The following SYT16 variants were observed in gnomAD, a reference collection of about 807,000 sequenced individuals.
SYT16 encodes the protein synaptotagmin-16.
Under a neutral mutation model 61.4 loss-of-function variants are expected in SYT16, and 42 were observed. The observed-to-expected ratio is 0.68, with a 90% CI of 0.53 to 0.89. The LOEUF is 0.89. Among genes scored for constraint, SYT16 ranks in the 40% least tolerant of loss-of-function variants. The pLI is 0.00. For missense variants in SYT16, 804 were observed against 807.3 expected (o/e 1.00, Z 0.05); for synonymous variants, 314 against 302.3 (o/e 1.04, Z -0.40).
intron 1 of SYT16, among the ~76,000 whole-genome samples, chr14:61,916,447 T>TA (rs1320892296): frequency 6.6e-6 from 1 of 152,126 alleles, no homozygotes; most frequent in Non-Finnish European, 1.5e-5. Flanking sequence ...CCCTGCGATT[T>TA]ATTTTTTTTA....
intron 1 of SYT16, among the ~76,000 whole-genome samples, chr14:61,827,001 C>T (rs1179407486): frequency 6.6e-6 from 1 of 151,866 alleles, no homozygotes; most frequent in Non-Finnish European, 1.5e-5. Context: ...AATTAGAGTC[C>T]CACCCTTATG....
intron 6 of SYT16, 90 bp downstream of exon 6, chr14:62,081,364 T>G: frequency 3.7e-6 from 5 of 1,350,996 alleles, no homozygotes; most frequent in Non-Finnish European, 5.0e-6. Flanking sequence ...AGTCTGTGAA[T>G]TCAGAGACTT....
chr14:61,902,883 A>G (rs1466678529), intron 1 of SYT16, among the ~76,000 whole-genome samples: 6 of 152,198 alleles, frequency 3.9e-5, no homozygotes, highest in Non-Finnish European at 1.5e-5. Flanking sequence ...TACCACGAGA[A>G]CAGTATGGGG....
rs2045837685 is a variant in SYT16, at chr14:61,828,364, G to T, written c.-325+15554G>T. ...TACCAAGATATTTATCATCTTTGTT[G>T]CTCTTCTTTCACTCCTGATGATCCA... On this transcript the variant is annotated intron_variant, in intron 1 of 7. Transcript: ENST00000683842. 3.9e-5 allele frequency among the ~76,000 whole-genome samples: 6 copies of T among 152,284 alleles called. No individual in the cohort carries two copies. The South Asian group carries it at 8.3e-4, about 21-fold the overall frequency.
chr14:62,059,330 T>G (rs991544752), intron 3 of SYT16, among the ~76,000 whole-genome samples: 1 of 152,228 alleles, frequency 6.6e-6, no homozygotes, highest in African/African-American at 2.4e-5. Flanking sequence ...ATCTTTCATT[T>G]GTTTATAGGC....
Position 62,081,246 on chromosome 14 carries a change from T to G in SYT16, c.1406T>G (p.Leu469Arg), listed in dbSNP as rs1566830618. The change falls in exon 6 of 8, where the codon CTG becomes CGG. Residue 469 changes from leucine (L) to arginine (R), a missense_variant. Physicochemically the swap from Leu to Arg is moderately radical, Grantham distance 102. Coordinates refer to ENST00000683842, the MANE Select transcript of SYT16 (RefSeq NM_001367656.1). ...LHPEGEMKVT[L>R]VLEPRSNISS... Reference sequence around the variant, plus strand: ...CCAGAAGGGGAAATGAAAGTGACTCTGGTTCTGGAGCCAAGAAGTAATATA... The same window carrying G: ...CCAGAAGGGGAAATGAAAGTGACTCGGGTTCTGGAGCCAAGAAGTAATATA... The G allele has an allele frequency of 6.2e-7, 1 of 1,613,918 alleles. No individual in the cohort carries two copies. The highest frequency in any genetic ancestry group is 8.5e-7 in the Non-Finnish European group (1 of 1,179,848).
At chr14:61,878,482 A>G (rs1448196191) in intron 1 of SYT16, among the ~76,000 whole-genome samples, 2 of 152,208 alleles carry the variant, frequency 1.3e-5, no homozygotes, top group Admixed American at 6.5e-5. Context: ...AGCACAAGGT[A>G]TCTGATTTTC....
chr14:62,081,945 A>G (rs1198007379), intron 6 of SYT16, among the ~76,000 whole-genome samples: 1 of 152,166 alleles, frequency 6.6e-6, no homozygotes, highest in African/African-American at 2.4e-5. Flanking sequence ...CAATTATGGT[A>G]TAGGCAAAGT....
At chr14:61,959,406 A>G (rs2051021309) in intron 1 of SYT16, among the ~76,000 whole-genome samples, 1 of 151,204 alleles carries the variant, frequency 6.6e-6, no homozygotes, top group Admixed American at 6.6e-5. Flanking sequence ...TAATTTTTTT[A>G]TCTTGTGTGC....
chr14:61,897,985 C>T (rs1427601114), intron 1 of SYT16, among the ~76,000 whole-genome samples: 2 of 152,214 alleles, frequency 1.3e-5, no homozygotes, highest in African/African-American at 4.8e-5. Context: ...ATGATTTCTA[C>T]ACCTGAACCC....
At chr14:61,867,060 A>G (rs1285151609) in intron 1 of SYT16, among the ~76,000 whole-genome samples, 1 of 151,644 alleles carries the variant, frequency 6.6e-6, no homozygotes, top group African/African-American at 2.4e-5. Context: ...GTATTTATAT[A>G]TGTTTGAGAT....
chr14:61,827,661 C>A (rs2045813283), intron 1 of SYT16, among the ~76,000 whole-genome samples: 1 of 151,886 alleles, frequency 6.6e-6, no homozygotes, highest in African/African-American at 2.4e-5. Context: ...TTCTATTTCC[C>A]CTTCTCTATC....
intron 1 of SYT16, among the ~76,000 whole-genome samples, chr14:61,881,448 A>T (rs559060458): frequency 9.9e-4 from 151 of 152,288 alleles, no homozygotes; most frequent in African/African-American, 3.3e-3. Context: ...TACCAGTGTC[A>T]TCCTTGTTAT....
intron 2 of SYT16, among the ~76,000 whole-genome samples, chr14:61,975,377 T>G (rs2051744212): frequency 6.6e-6 from 1 of 152,196 alleles, no homozygotes; most frequent in Non-Finnish European, 1.5e-5. Context: ...TTGCCTCATG[T>G]GTCAGTCCAT....
chr14:61,853,879 T>C (rs1381143349), intron 1 of SYT16, among the ~76,000 whole-genome samples: 1 of 152,212 alleles, frequency 6.6e-6, no homozygotes, highest in Non-Finnish European at 1.5e-5. Flanking sequence ...GGATTTCTCA[T>C]GGACATCTTA....
chr14:61,838,317 G>A (rs150763560), intron 1 of SYT16, among the ~76,000 whole-genome samples: 1 of 152,148 alleles, frequency 6.6e-6, no homozygotes, highest in Non-Finnish European at 1.5e-5. Context: ...TTGGGATGGG[G>A]CCCAGTCCAC....
intron 7 of SYT16, among the ~76,000 whole-genome samples, chr14:62,088,396 A>G (rs2056959010): frequency 1.3e-5 from 2 of 152,232 alleles, no homozygotes; most frequent in Admixed American, 1.3e-4. Flanking sequence ...ATAGTGGAGA[A>G]AAAAAGCAAA....
chr14:62,048,321 T>C (rs2055095617), intron 3 of SYT16, among the ~76,000 whole-genome samples: 1 of 152,260 alleles, frequency 6.6e-6, no homozygotes, highest in Non-Finnish European at 1.5e-5. Context: ...TCAGTGGTGA[T>C]ATCCCCTTTG....
chr14:61,936,200 T>C (rs2049974345), intron 1 of SYT16, among the ~76,000 whole-genome samples: 1 of 152,168 alleles, frequency 6.6e-6, no homozygotes, highest in Non-Finnish European at 1.5e-5. Flanking sequence ...TTGGAGAGAA[T>C]CGTGATTGAG....
Sources: allele counts gnomAD v4.1 joint callset (sites outside exome capture counted in the v4.1 genomes callset), GRCh38; gene constraint gnomAD v4.1.1; transcripts MANE v1.5; gene names NCBI Gene and HGNC (gene_info 2026-07-23, HGNC 2026-07-21).